Variants in ZNF644 observed in about 807,000 individuals in gnomAD.
ZNF644 encodes zinc finger protein 644.
In ZNF644, 20 loss-of-function variants were observed where a neutral mutation model predicts 108.0. The observed-to-expected ratio is 0.19, with a 90% CI of 0.13 to 0.27. ZNF644 has a LOEUF of 0.27. Ranked by LOEUF, ZNF644 falls within the 10% of genes least tolerant of loss-of-function variation. The pLI is 1.00. For synonymous variants in ZNF644, 542 were observed against 539.1 expected, an observed-to-expected ratio of 1.01 and a Z score of -0.08; for missense variants, 1,338 against 1,548.9, an observed-to-expected ratio of 0.86 and a Z score of 2.29.
intron 2 of ZNF644, among the ~76,000 whole-genome samples, chr1:90,956,479 C>A (rs1344187166): frequency 3.3e-5 from 5 of 151,952 alleles, no homozygotes; most frequent in Non-Finnish European, 5.9e-5. Context: ...AGTATGATGG[C>A]CAATCTTGAC....
chr1:90,946,140 T>C (rs1652493633), intron 2 of ZNF644, among the ~76,000 whole-genome samples: 1 of 152,074 alleles, frequency 6.6e-6, no homozygotes, highest in Non-Finnish European at 1.5e-5. Flanking sequence ...AACTGAAATA[T>C]TATATTTAAA....
At position 91,007,745 on chromosome 1, in the gene ZNF644, T is replaced by C. The variant is rs571727696; in HGVS notation, c.-18+14245A>G. 1.2e-4 allele frequency among the ~76,000 whole-genome samples: 19 copies of C among 152,328 alleles called. No individual in the cohort carries two copies. The South Asian group carries it at 3.9e-3, about 32-fold the overall frequency. ...GGCACTGCTTTTTCATAGCATCCTT[T>C]CTTGTTTCAAAGATGCAATACCTTT... is the stretch of plus-strand genomic sequence containing the variant. On this transcript the variant is annotated intron_variant, in intron 1 of 5. Coordinates refer to ENST00000337393, the MANE Select transcript of ZNF644 (RefSeq NM_201269.3).
chr1:90,919,791 T>A (rs775040189), intron 4 of ZNF644, among the ~76,000 whole-genome samples: 2 of 151,958 alleles, frequency 1.3e-5, no homozygotes, highest in Admixed American at 6.6e-5. Context: ...AAAGCAAAAC[T>A]CAGTAATTTA....
chr1:90,926,046 A>C (rs1298372858), intron 4 of ZNF644, among the ~76,000 whole-genome samples: 1 of 151,878 alleles, frequency 6.6e-6, no homozygotes, highest in South Asian at 2.1e-4. Flanking sequence ...AAAGAAACCA[A>C]CCCTTTCAAA....
At chr1:90,972,077 C>A (rs1399142904) in intron 2 of ZNF644, among the ~76,000 whole-genome samples, 1 of 152,082 alleles carries the variant, frequency 6.6e-6, no homozygotes, top group Non-Finnish European at 1.5e-5. Flanking sequence ...CAAGTCATTA[C>A]ACCACTGCAC....
chr1:91,007,219 C>CGTTTTTTTTTTTTTTTTTTTTTTTTTT (rs1557658445), intron 1 of ZNF644, among the ~76,000 whole-genome samples: 3 of 114,248 alleles, frequency 2.6e-5, no homozygotes, highest in African/African-American at 3.3e-5. Context: ...CATTTTCTCC[C>CGTTTTTTTTTTTTTTTTTTTTTTTTTT]ATTTTGTTTT....
At chr1:90,994,079 G>T (rs1347195108) in intron 1 of ZNF644, among the ~76,000 whole-genome samples, 1 of 152,084 alleles carries the variant, frequency 6.6e-6, no homozygotes, top group Admixed American at 6.5e-5. Context: ...GGACTAAATG[G>T]GAGATGTAGA....
At chr1:90,955,258 A>G (rs974715207) in intron 2 of ZNF644, among the ~76,000 whole-genome samples, 4 of 152,228 alleles carry the variant, frequency 2.6e-5, no homozygotes, top group Admixed American at 6.5e-5. Context: ...GAGATTTCGT[A>G]TAATTCTTAT....
chr1:90,954,568 G>A (rs1008894514), intron 2 of ZNF644, among the ~76,000 whole-genome samples: 46 of 151,960 alleles, frequency 3.0e-4, no homozygotes, highest in South Asian at 4.2e-4. Context: ...AACCACGCCC[G>A]GCTAATTTTT....
At chr1:90,989,637 A>G (rs189278362) in intron 1 of ZNF644, among the ~76,000 whole-genome samples, 286 of 152,348 alleles carry the variant, frequency 1.9e-3, no homozygotes, top group Non-Finnish European at 3.2e-3. Flanking sequence ...CATCCACTAG[A>G]GGCTGTTATT....
At chr1:90,959,473 A>G (rs557607626) in intron 2 of ZNF644, among the ~76,000 whole-genome samples, 33 of 152,226 alleles carry the variant, frequency 2.2e-4, no homozygotes, top group Non-Finnish European at 4.3e-4. Flanking sequence ...TGTATTCATA[A>G]AAGTGAAATA....
chr1:90,946,793 C>T (rs1234717983), intron 2 of ZNF644, among the ~76,000 whole-genome samples: 1 of 151,702 alleles, frequency 6.6e-6, no homozygotes, highest in African/African-American at 2.4e-5. Flanking sequence ...ATATAGATTG[C>T]CATTAAAAAA....
At chr1:90,976,661 C>T (rs1366436422) in intron 2 of ZNF644, among the ~76,000 whole-genome samples, 1 of 152,096 alleles carries the variant, frequency 6.6e-6, no homozygotes, top group Admixed American at 6.5e-5. Context: ...CTACTGACAG[C>T]TCAACTTCAA....
At chr1:91,007,220 ATTTTGTT>A in intron 1 of ZNF644, among the ~76,000 whole-genome samples, 1 of 30,314 alleles carries the variant, frequency 3.3e-5, no homozygotes, top group South Asian at 9.0e-4. Flanking sequence ...ATTTTCTCCC[ATTTTGTT>A]TTTTTTTTTT....
At chr1:90,982,447 T>G in intron 1 of ZNF644, 77 bp from the exon 2 acceptor site, 1 of 951,724 alleles carries the variant, frequency 1.1e-6, no homozygotes, top group African/African-American at 1.6e-5. Context: ...AATACACTAT[T>G]ATTTTAAATG....
At chr1:90,942,339 TG>T (rs1652079241) in intron 2 of ZNF644, among the ~76,000 whole-genome samples, 1 of 152,220 alleles carries the variant, frequency 6.6e-6, no homozygotes, top group African/African-American at 2.4e-5. Context: ...TCTGAATGTT[TG>T]GGGTCCATTC....
intron 1 of ZNF644, among the ~76,000 whole-genome samples, chr1:91,017,492 TC>T (rs796955773): frequency 3.3e-5 from 5 of 152,358 alleles, no homozygotes; most frequent in African/African-American, 1.2e-4. Context: ...GGCAGGCTCC[TC>T]CTCCTCTTAC....
chr1:90,982,627 T>A (rs554576389), intron 1 of ZNF644, among the ~76,000 whole-genome samples: 20 of 152,082 alleles, frequency 1.3e-4, no homozygotes, highest in Admixed American at 7.2e-4. Context: ...ATTCTTTTTT[T>A]TAAAAAAAAT....
intron 1 of ZNF644, among the ~76,000 whole-genome samples, chr1:91,015,982 T>A (rs1008830755): frequency 1.3e-5 from 2 of 152,208 alleles, no homozygotes; most frequent in Non-Finnish European, 2.9e-5. Context: ...TAATTACTAA[T>A]TCCACTTGCC....
Sources: gnomAD v4.1 joint callset for allele counts (sites outside exome capture counted in the v4.1 genomes callset) on GRCh38, gnomAD v4.1.1 for gene constraint, MANE v1.5 for transcripts, NCBI Gene and HGNC (gene_info 2026-07-23, HGNC 2026-07-21) for gene names.